The following PTPRN2 variants were observed in gnomAD, a reference collection of about 807,000 sequenced individuals.
The protein encoded by PTPRN2 is protein tyrosine phosphatase receptor type N2.
PTPRN2 carries 74 observed loss-of-function variants against 118.8 expected under a neutral mutation model. That is an observed-to-expected ratio of 0.62 (90% confidence interval 0.52 to 0.76). The LOEUF is 0.76. Ranked by LOEUF, PTPRN2 falls within the 30% of genes least tolerant of loss-of-function variation. PTPRN2 has a pLI of 0.00. For missense variants in PTPRN2, 1,481 were observed against 1,394.4 expected, an observed-to-expected ratio of 1.06 and a Z score of -0.99; for synonymous variants, 641 against 608.0, an observed-to-expected ratio of 1.05 and a Z score of -0.80.
intron 14 of PTPRN2, among the ~76,000 whole-genome samples, chr7:157,648,508 A>T (rs1282019663): frequency 6.0e-5 from 8 of 134,442 alleles, no homozygotes; most frequent in African/African-American, 2.2e-4. Flanking sequence ...GGACCCATCC[A>T]GCGTGCACTG....
At chr7:157,645,245 G>A (rs1421802883) in intron 14 of PTPRN2, among the ~76,000 whole-genome samples, 2 of 152,158 alleles carry the variant, frequency 1.3e-5, no homozygotes, top group Non-Finnish European at 2.9e-5. Context: ...AACCATAAAC[G>A]GCTCCCAAAC....
intron 11 of PTPRN2, 108 bp from the exon 12 acceptor site, chr7:157,898,845 G>T: frequency 2.1e-6 from 2 of 956,604 alleles, no homozygotes; most frequent in Non-Finnish European, 3.4e-6. Context: ...ATGACTGCTT[G>T]ACCCGCCTAC....
intron 10 of PTPRN2, among the ~76,000 whole-genome samples, chr7:158,098,832 T>TGGGGGAC (rs1404880783): frequency 7.4e-5 from 11 of 149,330 alleles, no homozygotes; most frequent in African/African-American, 2.2e-4. Context: ...AAGGAAGCAG[T>TGGGGGAC]GGGGGACGGG....
In PTPRN2 at chr7:157,586,671, C is replaced by T. The variant is rs564411830; in HGVS notation, c.2497-8531G>A. Among the ~76,000 whole-genome samples, 25 of 151,674 alleles carry T rather than the reference C, an allele frequency of 1.6e-4. No homozygotes were observed. The South Asian group carries it at 2.1e-3, about 13-fold the overall frequency. ...CACGTCTGTCCTGGAGACTCAGGGCCCCCTGCTACTGGACACTGGGCCTGT... is the reference window on the plus strand; with the variant it reads ...CACGTCTGTCCTGGAGACTCAGGGCTCCCTGCTACTGGACACTGGGCCTGT... On this transcript the variant is annotated intron_variant, in intron 17 of 22. Coordinates refer to ENST00000389418, the MANE Select transcript of PTPRN2 (RefSeq NM_002847.5).
chr7:158,347,769 T>C (rs1452987522), intron 2 of PTPRN2, among the ~76,000 whole-genome samples: 15 of 152,236 alleles, frequency 9.9e-5, no homozygotes, highest in Non-Finnish European at 1.6e-4. Flanking sequence ...TGCCTTGTCT[T>C]CCATTTCTTT....
At chr7:157,769,747 T>C (rs1015734308) in intron 12 of PTPRN2, among the ~76,000 whole-genome samples, 1 of 152,158 alleles carries the variant, frequency 6.6e-6, no homozygotes, top group African/African-American at 2.4e-5. Flanking sequence ...GCTCAGCGCG[T>C]TCCTGCCTCC....
intron 11 of PTPRN2, among the ~76,000 whole-genome samples, chr7:157,910,593 G>A (rs1051002996): frequency 1.3e-5 from 2 of 152,234 alleles, no homozygotes; most frequent in Admixed American, 6.5e-5. Context: ...GCTGGCGGAC[G>A]CTTCCTCTTT....
intron 11 of PTPRN2, among the ~76,000 whole-genome samples, chr7:158,071,390 GGAGGT>G (rs1811558959): frequency 9.7e-6 from 1 of 103,012 alleles, no homozygotes; most frequent in Non-Finnish European, 2.1e-5. Context: ...TGCTCGTGGT[GGAGGT>G]GCTCGTGGTG....
At position 158,300,581 on chromosome 7, in the gene PTPRN2, G is replaced by GCAGCGCCTCGCCCGCCACCCAGTCCCA. The variant is rs1563104711; in HGVS notation, c.277+16237_277+16238insTGGGACTGGGTGGCGGGCGAGGCGCTG. Among the ~76,000 whole-genome samples, 8 of 151,944 alleles carry GCAGCGCCTCGCCCGCCACCCAGTCCCA rather than the reference G, an allele frequency of 5.3e-5. No homozygotes were observed. In the South Asian group the frequency reaches 8.3e-4, roughly 16 times the overall value. ...AGCGCCTCGCCCGCCACCCAGTCCC[G>GCAGCGCCTCGCCCGCCACCCAGTCCCA]CAGCGCCTCGCCCCCCACGTGTCTG... On this transcript the variant is annotated intron_variant, in intron 3 of 22. Coordinates refer to ENST00000389418, the MANE Select transcript of PTPRN2 (RefSeq NM_002847.5).
rs764311105 is a variant in PTPRN2, at chr7:157,567,692, C to T, written c.2902+1210G>A. 1.1e-3 allele frequency among the ~76,000 whole-genome samples: 162 copies of T among 152,226 alleles called. 1 individual carries two copies. Among genetic ancestry groups the T allele is most frequent in the Non-Finnish European group, 1.7e-3 (115 of 68,010 alleles). On this transcript the variant is annotated intron_variant, in intron 21 of 22. Transcript: ENST00000389418. ...ATGGGATGTTACGGAAGGCGGAGGT[C>T]TCTGTATGAACACATATACGTGTGT...
intron 3 of PTPRN2, among the ~76,000 whole-genome samples, chr7:158,289,988 G>T (rs371528944): frequency 5.2e-4 from 79 of 152,270 alleles, no homozygotes; most frequent in African/African-American, 1.8e-3. Flanking sequence ...GATTGAGTCT[G>T]CAAGGGTGAA....
intron 2 of PTPRN2, among the ~76,000 whole-genome samples, chr7:158,328,755 C>G (rs6955243): frequency 0.53 from 76,695 of 146,056 alleles, 20,228 homozygotes; most frequent in Middle Eastern, 0.6. Flanking sequence ...GTGTGGGTGT[C>G]AGTGACATCT....
At chr7:157,675,499 C>T (rs986751718) in intron 13 of PTPRN2, among the ~76,000 whole-genome samples, 1 of 151,368 alleles carries the variant, frequency 6.6e-6, no homozygotes, top group Non-Finnish European at 1.5e-5. Context: ...CAGGGCTTTG[C>T]TTCTGTTTTC....
intron 2 of PTPRN2, among the ~76,000 whole-genome samples, chr7:158,446,045 AC>A (rs1303707250): frequency 1.3e-5 from 2 of 152,066 alleles, no homozygotes; most frequent in Non-Finnish European, 2.9e-5. Flanking sequence ...ACACGTGAGA[AC>A]CCAGGACACT....
rs148753005 is a variant in PTPRN2, at chr7:157,841,351, T to C, written c.1788+57322A>G. Among the ~76,000 whole-genome samples the C allele has an allele frequency of 7.6e-4, 116 of 152,292 alleles. No individual in the cohort carries two copies. The East Asian group carries it at 0.022, about 29-fold the overall frequency. On this transcript the variant is annotated intron_variant, in intron 12 of 22. Transcript: ENST00000389418. ...ATCTAAAGTGCAGAGCCCCACATGG[T>C]GGGAAGCTCAAATGCTCACTAACAG... is the stretch of plus-strand genomic sequence containing the variant.
chr7:158,268,280 CCCAGA>C (rs1377308560), intron 3 of PTPRN2, among the ~76,000 whole-genome samples: 37 of 151,444 alleles, frequency 2.4e-4, no homozygotes, highest in African/African-American at 9.0e-4. Flanking sequence ...AATATCCCAG[CCCAGA>C]CGCGTGCACA....
At chr7:157,643,425 C>T (rs1044996192) in intron 14 of PTPRN2, among the ~76,000 whole-genome samples, 3 of 152,214 alleles carry the variant, frequency 2.0e-5, no homozygotes, top group African/African-American at 7.2e-5. Context: ...TCAATAAAGG[C>T]GGATCATGGA....
Position 158,057,625 on chromosome 7 carries a change from A to G in PTPRN2, c.1723+23673T>C, listed in dbSNP as rs376498385. 2.9e-3 allele frequency among the ~76,000 whole-genome samples: 443 copies of G among 152,292 alleles called. 3 individuals are homozygous for G. The highest frequency in any genetic ancestry group is 5.0e-3 in the Non-Finnish European group (337 of 68,016). ...GGCCAGCTGCCCTCCCCTCCTGAGC[A>G]AAGGGAAGTGGGTGCATGGAGGACC... On this transcript the variant is annotated intron_variant, in intron 11 of 22. Coordinates refer to ENST00000389418, the MANE Select transcript of PTPRN2 (RefSeq NM_002847.5).
chr7:158,329,747 A>C (rs1395583997), intron 2 of PTPRN2, among the ~76,000 whole-genome samples: 1 of 152,194 alleles, frequency 6.6e-6, no homozygotes, highest in Admixed American at 6.5e-5. Flanking sequence ...AGGGAGGTTA[A>C]GGAACTTGCT....
Sources: gnomAD v4.1 joint callset for allele counts (sites outside exome capture counted in the v4.1 genomes callset) on GRCh38, gnomAD v4.1.1 for gene constraint, MANE v1.5 for transcripts, NCBI Gene and HGNC (gene_info 2026-07-23, HGNC 2026-07-21) for gene names.